The following DHX35 variants were observed in gnomAD, a reference collection of about 807,000 sequenced individuals.
DHX35 encodes DEAH-box helicase 35.
DHX35 carries 84 observed loss-of-function variants against 99.6 expected under a neutral mutation model. The observed-to-expected ratio is 0.84, with a 90% CI of 0.71 to 1.01. The LOEUF is 1.01. DHX35 is among the 50% of genes least tolerant of loss of function. The pLI, the probability that DHX35 is intolerant of heterozygous loss-of-function variation, is 0.00. For missense variants in DHX35, 852 were observed against 888.5 expected (o/e 0.96, Z 0.52); for synonymous variants, 331 against 316.2 (o/e 1.05, Z -0.50).
At position 39,002,802 on chromosome 20, in the gene DHX35, C is replaced by T. The variant is rs758100934; in HGVS notation, c.786C>T (p.Val262=). Residue 262 remains valine (V), a synonymous_variant, in exon 10 of 22, where the codon GTC becomes GTT. Transcript: ENST00000252011. ...TTCCAGATTATATCAAATCAACTGT[C>T]GAAACTGTGGTGAAAATTCACCAGA... The part of the protein sequence containing the change: ...SPVPDYIKST[V]ETVVKIHQTE... 38 of 1,613,956 alleles carry T rather than the reference C, an allele frequency of 2.4e-5. No homozygotes were observed. The highest frequency in any genetic ancestry group is 1.6e-4 in the Middle Eastern group (1 of 6,084).
chr20:38,979,031 G>A (rs565683991), intron 3 of DHX35, among the ~76,000 whole-genome samples: 1 of 152,198 alleles, frequency 6.6e-6, no homozygotes, highest in East Asian at 1.9e-4. Flanking sequence ...TGGATTTTCT[G>A]TTCTGTTCCA....
At chr20:39,000,220 A>G (rs2086496223) in intron 8 of DHX35, among the ~76,000 whole-genome samples, 1 of 152,196 alleles carries the variant, frequency 6.6e-6, no homozygotes, top group Non-Finnish European at 1.5e-5. Flanking sequence ...CTCTCCCTGA[A>G]AGCCGGTAGT....
At chr20:39,006,515 A>C (rs1333611621) in intron 12 of DHX35, among the ~76,000 whole-genome samples, 159 bp downstream of exon 12, 1 of 152,096 alleles carries the variant, frequency 6.6e-6, no homozygotes, top group Non-Finnish European at 1.5e-5. Context: ...TCCTCACTCT[A>C]AATATGGTGT....
intron 5 of DHX35, among the ~76,000 whole-genome samples, chr20:38,991,072 A>T (rs184842834): frequency 2.6e-5 from 4 of 152,334 alleles, no homozygotes; most frequent in Non-Finnish European, 5.9e-5. Flanking sequence ...TGCAATCTAT[A>T]GTCTTTGGGA....
At chr20:39,024,076 G>A (rs2086913967) in intron 17 of DHX35, among the ~76,000 whole-genome samples, 1 of 152,204 alleles carries the variant, frequency 6.6e-6, no homozygotes, top group South Asian at 2.1e-4. Context: ...AGACAGAAAG[G>A]CAACATTTGA....
intron 4 of DHX35, among the ~76,000 whole-genome samples, chr20:38,987,710 G>C (rs764814995): frequency 2.6e-5 from 4 of 151,876 alleles, no homozygotes; most frequent in African/African-American, 4.8e-5. Flanking sequence ...TTTTTTATTT[G>C]TTATGTTTTG....
At chr20:39,035,870 C>T (rs953556296) in intron 21 of DHX35, among the ~76,000 whole-genome samples, 2 of 152,218 alleles carry the variant, frequency 1.3e-5, no homozygotes, top group African/African-American at 4.8e-5. Flanking sequence ...AAACAAAAAC[C>T]ATTTCACACC....
At chr20:39,036,183 A>G (rs996540607) in intron 21 of DHX35, among the ~76,000 whole-genome samples, 1 of 152,194 alleles carries the variant, frequency 6.6e-6, no homozygotes, top group African/African-American at 2.4e-5. Context: ...ATTGTCTTGG[A>G]TTCATTTAGA....
chr20:39,026,731 G>A (rs1290470562), intron 18 of DHX35, among the ~76,000 whole-genome samples: 3 of 152,082 alleles, frequency 2.0e-5, no homozygotes, highest in Non-Finnish European at 2.9e-5. Flanking sequence ...TATATGAGAC[G>A]CTCAGAGAAT....
At chr20:38,969,039 C>A (rs368551748) in intron 1 of DHX35, 42 bp from the exon 2 acceptor site, 92 of 1,546,454 alleles carry the variant, frequency 5.9e-5, no homozygotes, top group Non-Finnish European at 7.6e-5. Context: ...TTTTTCTGTT[C>A]ATTGTATCAG....
chr20:39,030,605 A>G (rs1200584344), intron 19 of DHX35, 99 bp from the exon 20 acceptor site: 18 of 1,120,462 alleles, frequency 1.6e-5, no homozygotes, highest in African/African-American at 3.1e-5. Context: ...TGACGAGTTC[A>G]GTCTGCATGC....
chr20:39,008,549 G>C lies in DHX35; in HGVS notation c.1223-1731G>C, dbSNP rs1489253200. Among the ~76,000 whole-genome samples, 3 of 152,190 alleles carry C rather than the reference G, an allele frequency of 2.0e-5. No individual in the cohort carries two copies. The East Asian group carries it at 5.8e-4, about 29-fold the overall frequency. ...CCTTTGCATGAGCAGTTTAGTGGAA[G>C]TGGGGTTGGGGAGGGCCCCTGACTG... On this transcript the variant is annotated intron_variant, in intron 12 of 21. Transcript: ENST00000252011.
chr20:38,964,594 C>G (rs966835958), intron 1 of DHX35, among the ~76,000 whole-genome samples: 2 of 152,090 alleles, frequency 1.3e-5, no homozygotes, highest in Admixed American at 1.3e-4. Flanking sequence ...CCACACCTAG[C>G]TAATTTTTGT....
intron 19 of DHX35, chr20:39,029,219 ATCATTTTCTGT>A: frequency 6.6e-6 from 1 of 152,236 alleles, no homozygotes. Context: ...TGTAGCTATC[ATCATTTTCTGT>A]TCTTTAATAA....
intron 11 of DHX35, among the ~76,000 whole-genome samples, chr20:39,005,722 C>G (rs1286713266): frequency 6.6e-6 from 1 of 152,158 alleles, no homozygotes; most frequent in Non-Finnish European, 1.5e-5. Context: ...CAGTGCTTGG[C>G]AAAGTGCACA....
intron 15 of DHX35, among the ~76,000 whole-genome samples, chr20:39,020,052 A>G (rs2086848514): frequency 6.6e-6 from 1 of 152,194 alleles, no homozygotes; most frequent in Non-Finnish European, 1.5e-5. Flanking sequence ...TTATGCTGTC[A>G]TGAATGACAG....
At chr20:39,034,350 CTGT>C in intron 21 of DHX35, 33 bp downstream of exon 21, 1 of 1,518,280 alleles carries the variant, frequency 6.6e-7, no homozygotes, top group Admixed American at 1.7e-5. Flanking sequence ...CCCCAGCCAC[CTGT>C]TCACAGCCTC....
chr20:38,988,669 T>A, intron 4 of DHX35, 144 bp from the exon 5 acceptor site: 1 of 1,158,938 alleles, frequency 8.6e-7, no homozygotes. Flanking sequence ...TTATTATGCT[T>A]GTTCTCTAAT....
At chr20:39,023,816 G>A in intron 17 of DHX35, 49 bp downstream of exon 17, 2 of 1,501,940 alleles carry the variant, frequency 1.3e-6, no homozygotes, top group Non-Finnish European at 1.9e-6. Context: ...CCACCCTCTG[G>A]AGGTGATCTA....
Sources: allele counts gnomAD v4.1 joint callset (sites outside exome capture counted in the v4.1 genomes callset), GRCh38; gene constraint gnomAD v4.1.1; transcripts MANE v1.5; gene names NCBI Gene and HGNC (gene_info 2026-07-23, HGNC 2026-07-21).